Variants in SEMA3C observed in about 807,000 individuals in gnomAD.
SEMA3C encodes semaphorin-3C.
A neutral mutation model predicts 89.4 loss-of-function variants in SEMA3C; 47 were observed. The ratio of observed to expected loss-of-function variants is 0.53; its 90% confidence interval spans 0.42 to 0.67. SEMA3C has a LOEUF of 0.67. Among genes scored for constraint, SEMA3C ranks in the 30% least tolerant of loss-of-function variants. The pLI is 0.00. For synonymous variants in SEMA3C, 310 were observed against 320.2 expected (o/e 0.97, Z 0.34); for missense variants, 839 against 929.1 (o/e 0.90, Z 1.26).
chr7:80,878,516 G>C (rs931885640), intron 2 of SEMA3C, among the ~76,000 whole-genome samples: 8 of 152,198 alleles, frequency 5.3e-5, no homozygotes, highest in African/African-American at 1.9e-4. Flanking sequence ...GGGGTGGTGA[G>C]AGAGGAAGTT....
intron 4 of SEMA3C, among the ~76,000 whole-genome samples, chr7:80,823,190 C>T (rs1280487883): frequency 6.6e-6 from 1 of 152,136 alleles, no homozygotes; most frequent in Non-Finnish European, 1.5e-5. Context: ...CTTTCTTTAA[C>T]AGCGATATAG....
upstream of SEMA3C, among the ~76,000 whole-genome samples, chr7:80,920,273 A>G (rs1402450852): frequency 1.3e-5 from 2 of 152,246 alleles, no homozygotes; most frequent in African/African-American, 4.8e-5. Context: ...TTTGATCCCC[A>G]TAAAACAAGC....
chr7:80,888,981 A>G (rs1312021841), intron 2 of SEMA3C, among the ~76,000 whole-genome samples: 1 of 152,018 alleles, frequency 6.6e-6, no homozygotes, highest in African/African-American at 2.4e-5. Flanking sequence ...CTCCTGCCTC[A>G]GCCTCCCGAG....
At chr7:80,852,288 A>T (rs1790532290) in intron 2 of SEMA3C, among the ~76,000 whole-genome samples, 1 of 152,162 alleles carries the variant, frequency 6.6e-6, no homozygotes. Flanking sequence ...GACCTTATTC[A>T]TGTTACTAGT....
At chr7:80,773,611 G>C (rs1231025615) in intron 12 of SEMA3C, among the ~76,000 whole-genome samples, 1 of 152,186 alleles carries the variant, frequency 6.6e-6, no homozygotes, top group Non-Finnish European at 1.5e-5. Context: ...CACACTTTCT[G>C]TCTGGGAACA....
chr7:80,836,001 G>C (rs991312232), intron 2 of SEMA3C, among the ~76,000 whole-genome samples: 1 of 152,136 alleles, frequency 6.6e-6, no homozygotes, highest in South Asian at 2.1e-4. Flanking sequence ...TGACAACTTC[G>C]ACAGTTACTA....
chr7:80,771,971 G>A (rs927842663), intron 12 of SEMA3C, among the ~76,000 whole-genome samples: 3 of 152,124 alleles, frequency 2.0e-5, no homozygotes, highest in African/African-American at 7.2e-5. Context: ...TTAATTTAAA[G>A]TACTATTATA....
At chr7:80,801,723 C>A (rs1332381133) in intron 9 of SEMA3C, among the ~76,000 whole-genome samples, 1 of 151,608 alleles carries the variant, frequency 6.6e-6, no homozygotes, top group Non-Finnish European at 1.5e-5. Flanking sequence ...CAATGTCTAG[C>A]TCTCCCTAAA....
At chr7:80,780,954 A>C (rs1788679558) in intron 12 of SEMA3C, among the ~76,000 whole-genome samples, 1 of 151,806 alleles carries the variant, frequency 6.6e-6, no homozygotes, top group South Asian at 2.1e-4. Flanking sequence ...CACTGCACTA[A>C]AAAAAGATTT....
At chr7:80,867,853 C>T (rs1257587777) in intron 2 of SEMA3C, among the ~76,000 whole-genome samples, 1 of 152,036 alleles carries the variant, frequency 6.6e-6, no homozygotes, top group Non-Finnish European at 1.5e-5. Flanking sequence ...AATTGATGAT[C>T]AATTGGAACT....
intron 2 of SEMA3C, among the ~76,000 whole-genome samples, chr7:80,880,349 T>C (rs1791304159): frequency 6.6e-6 from 1 of 152,190 alleles, no homozygotes; most frequent in Non-Finnish European, 1.5e-5. Context: ...TCCACAAGAA[T>C]ATAAGATTCA....
At chr7:80,820,421 A>G (rs1006980596) in intron 4 of SEMA3C, among the ~76,000 whole-genome samples, 1 of 152,080 alleles carries the variant, frequency 6.6e-6, no homozygotes, top group African/African-American at 2.4e-5. Flanking sequence ...AACAAAATAA[A>G]TGTTGCTAAA....
intron 12 of SEMA3C, among the ~76,000 whole-genome samples, chr7:80,783,342 C>T (rs1279500112): frequency 6.6e-6 from 1 of 152,146 alleles, no homozygotes; most frequent in East Asian, 1.9e-4. Context: ...GACTTATCAT[C>T]TATCTCCCAT....
At chr7:80,782,610 T>C (rs1788715721) in intron 12 of SEMA3C, among the ~76,000 whole-genome samples, 2 of 152,228 alleles carry the variant, frequency 1.3e-5, no homozygotes, top group Admixed American at 6.5e-5. Context: ...TCTGGTTGTA[T>C]TATATATTAA....
intron 2 of SEMA3C, among the ~76,000 whole-genome samples, chr7:80,904,995 T>G (rs1239907429): frequency 1.3e-5 from 2 of 151,570 alleles, no homozygotes; most frequent in Non-Finnish European, 2.9e-5. Flanking sequence ...TCAAGCCTTG[T>G]GGCCCTATAA....
chr7:80,784,269 A>AT lies in SEMA3C; in HGVS notation c.1354+5036dup, dbSNP rs1562873452. Among the ~76,000 whole-genome samples the AT allele has an allele frequency of 2.8e-5, 4 of 145,232 alleles. No individual in the cohort carries two copies. In the East Asian group the frequency reaches 9.3e-4, roughly 34 times the overall value. ...TGCTGTTTTATAGCCCTTCCTCAAG[A>AT]TTAAAAAAAAAAAAGAGAGATAAAG... On this transcript the variant is annotated intron_variant, in intron 12 of 17. Transcript: ENST00000265361.
chr7:80,920,344 C>T (rs1212955975), upstream of SEMA3C, among the ~76,000 whole-genome samples: 2 of 152,130 alleles, frequency 1.3e-5, no homozygotes, highest in African/African-American at 4.8e-5. Flanking sequence ...ACAGAAGGAA[C>T]GTGGAGTGTA....
Position 80,790,965 on chromosome 7 carries a change from AT to A in SEMA3C, c.1132-1438del, listed in dbSNP as rs577889053. Among the ~76,000 whole-genome samples the A allele has an allele frequency of 1.7e-3, 252 of 152,092 alleles. 1 individual carries two copies. The highest frequency in any genetic ancestry group is 5.8e-3 in the African/African-American group (241 of 41,420). On this transcript the variant is annotated intron_variant, in intron 11 of 17. Transcript: ENST00000265361. Reference sequence around the variant, plus strand: ...GTTGAATGAATGCATTATATCATTGATTGTATCTGGCCTGAATGAATGCATT... The same window carrying A: ...GTTGAATGAATGCATTATATCATTGATGTATCTGGCCTGAATGAATGCATT...
intron 12 of SEMA3C, among the ~76,000 whole-genome samples, chr7:80,779,607 A>T (rs1006542377): frequency 6.6e-6 from 1 of 152,162 alleles, no homozygotes; most frequent in Admixed American, 6.5e-5. Context: ...TCTGTCTTTA[A>T]TGTATCCTCT....
Sources: allele counts gnomAD v4.1 joint callset (sites outside exome capture counted in the v4.1 genomes callset), GRCh38; gene constraint gnomAD v4.1.1; transcripts MANE v1.5; gene names NCBI Gene and HGNC (gene_info 2026-07-23, HGNC 2026-07-21).